The following PLEK2 variants were observed in gnomAD, a reference collection of about 807,000 sequenced individuals.
PLEK2 encodes the protein pleckstrin-2.
PLEK2 carries 29 observed loss-of-function variants against 43.8 expected under a neutral mutation model. The observed-to-expected ratio is 0.66, with a 90% CI of 0.49 to 0.90. PLEK2 has a LOEUF of 0.90. Among genes scored for constraint, PLEK2 ranks in the 40% least tolerant of loss-of-function variants. The pLI is 0.00. For missense variants in PLEK2, 398 were observed against 448.1 expected (o/e 0.89, Z 1.01); for synonymous variants, 162 against 173.2 (o/e 0.94, Z 0.51).
chr14:67,397,942 A>G, intron 1 of PLEK2, 116 bp from the exon 2 acceptor site: 2 of 769,982 alleles, frequency 2.6e-6, no homozygotes, highest in Non-Finnish European at 4.1e-6. Flanking sequence ...TCAGTCTCCA[A>G]GGAAGACAGC....
chr14:67,401,877 A>G (rs1018240646), intron 1 of PLEK2, among the ~76,000 whole-genome samples: 1 of 151,996 alleles, frequency 6.6e-6, no homozygotes, highest in Non-Finnish European at 1.5e-5. Flanking sequence ...TAATTCCAAC[A>G]TTTTGGGAGG....
intron 2 of PLEK2, among the ~76,000 whole-genome samples, chr14:67,396,655 A>C (rs566924495): frequency 3.0e-4 from 46 of 152,256 alleles, no homozygotes; most frequent in Non-Finnish European, 5.6e-4. Context: ...ACCTGTCCAG[A>C]ATGACTGCCT....
At position 67,387,385 on chromosome 14, in the gene PLEK2, C is replaced by T. The variant is rs747558869; in HGVS notation, c.1006G>A (p.Ala336Thr). 32 of 1,610,806 alleles carry T rather than the reference C, an allele frequency of 2.0e-5. No individual in the cohort carries two copies. The highest frequency in any genetic ancestry group is 5.0e-5 in the Admixed American group (3 of 59,448). ...TCGGCTCGCTCAGCCTTGCTGCTGG[C>T]CTGAATGTAATAGTGTGTGTCATCC... The part of the protein sequence containing the change: ...TKDDTHYYIQ[A>T]SSKAERAEWI... The change falls in exon 9 of 9, where the codon GCC becomes ACC. Residue 336 changes from alanine (A) to threonine (T), a missense_variant. By Grantham distance (58) the Ala-to-Thr change is moderately conservative. Coordinates refer to ENST00000216446, the MANE Select transcript of PLEK2 (RefSeq NM_016445.3).
At chr14:67,397,973 T>G in intron 1 of PLEK2, 147 bp from the exon 2 acceptor site, 18 of 581,244 alleles carry the variant, frequency 3.1e-5, no homozygotes, top group Middle Eastern at 2.7e-4. Flanking sequence ...TCTGGATCTC[T>G]TCTGAGTACG....
intron 1 of PLEK2, among the ~76,000 whole-genome samples, chr14:67,410,438 C>T (rs370319023): frequency 4.5e-4 from 68 of 152,238 alleles, no homozygotes; most frequent in African/African-American, 1.4e-3. Context: ...TAGGAGCTCC[C>T]CATGTGTAGT....
chr14:67,393,069 G>A, intron 4 of PLEK2, 81 bp downstream of exon 4: 1 of 1,116,696 alleles, frequency 9.0e-7, no homozygotes, highest in Non-Finnish European at 1.4e-6. Flanking sequence ...CCTCAATACA[G>A]GGCGGTCAAG....
Position 67,390,658 on chromosome 14 carries a change from C to T in PLEK2, c.855+5G>A, listed in dbSNP as rs1164283410. On this transcript the variant is annotated splice_donor_5th_base_variant and intron_variant, in intron 7 of 8. Transcript: ENST00000216446. ...GACCAACATGGAGCCAGCATGCGCA[C>T]TCACTTTGGAAGGGTCATAGTAATG... 1 of 1,599,798 alleles carries T rather than the reference C, an allele frequency of 6.3e-7. No homozygotes were observed. Among genetic ancestry groups the T allele is most frequent in the South Asian group, 1.1e-5 (1 of 90,782 alleles).
At chr14:67,404,743 G>A (rs890773142) in intron 1 of PLEK2, among the ~76,000 whole-genome samples, 8 of 152,020 alleles carry the variant, frequency 5.3e-5, no homozygotes, top group Admixed American at 3.9e-4. Flanking sequence ...CTGGGAGGTC[G>A]AGGCTGCAGT....
At chr14:67,405,622 G>A (rs1041280234) in intron 1 of PLEK2, among the ~76,000 whole-genome samples, 1 of 152,116 alleles carries the variant, frequency 6.6e-6, no homozygotes, top group Non-Finnish European at 1.5e-5. Flanking sequence ...GCAGAGTGAT[G>A]GTATCCCAAT....
At chr14:67,389,933 G>T (rs939443008) in intron 7 of PLEK2, among the ~76,000 whole-genome samples, 1 of 152,090 alleles carries the variant, frequency 6.6e-6, no homozygotes, top group Non-Finnish European at 1.5e-5. Flanking sequence ...GGCTCCTCCT[G>T]CCACATCCCT....
intron 1 of PLEK2, among the ~76,000 whole-genome samples, chr14:67,410,008 T>G (rs1287409395): frequency 1.3e-5 from 2 of 152,118 alleles, no homozygotes; most frequent in East Asian, 3.9e-4. Context: ...CATCCCAGTC[T>G]TTGGGTCTGG....
chr14:67,392,785 G>T lies in PLEK2; in HGVS notation c.546C>A (p.Thr182=). The T allele has an allele frequency of 1.2e-6, 2 of 1,613,946 alleles. No homozygotes were observed. Among genetic ancestry groups the T allele is most frequent in the Non-Finnish European group, 1.7e-6 (2 of 1,179,846 alleles). ...TCTCCTCCATGAGCATGGAGGCCAGGGTCACCGCCTCCAGACGGCTGGCCG... is the reference window on the plus strand; with the variant it reads ...TCTCCTCCATGAGCATGGAGGCCAGTGTCACCGCCTCCAGACGGCTGGCCG... ...SFTASRLEAV[T]LASMLMEENF... is the part of the protein sequence containing the mutation. The change falls in exon 5 of 9, where the codon ACC becomes ACA. Residue 182 remains threonine, a synonymous_variant. Coordinates refer to ENST00000216446, the MANE Select transcript of PLEK2 (RefSeq NM_016445.3).
chr14:67,390,631 G>C (rs768704915), intron 7 of PLEK2, 32 bp downstream of exon 7: 1 of 1,473,962 alleles, frequency 6.8e-7, no homozygotes, highest in South Asian at 1.1e-5. Flanking sequence ...ATCACAACAT[G>C]GGACCAACAT....
chr14:67,392,494 C>G, intron 5 of PLEK2, 67 bp from the exon 6 acceptor site: 1 of 1,354,300 alleles, frequency 7.4e-7, no homozygotes, highest in African/African-American at 1.4e-5. Context: ...TGGCGGCTGT[C>G]AGAGGGGAAA....
chr14:67,402,713 A>G (rs2086056804), intron 1 of PLEK2, among the ~76,000 whole-genome samples: 2 of 152,230 alleles, frequency 1.3e-5, no homozygotes, highest in African/African-American at 4.8e-5. Flanking sequence ...TTCATTTAAC[A>G]TAATGACCTC....
intron 3 of PLEK2, among the ~76,000 whole-genome samples, chr14:67,394,357 CT>C (rs1479576756): frequency 6.6e-6 from 1 of 152,006 alleles, no homozygotes; most frequent in South Asian, 2.1e-4. Flanking sequence ...GATCGAGCCA[CT>C]GCACTCCAGC....
In PLEK2 at chr14:67,390,710, CA is replaced by C; in HGVS notation, c.807del (p.Phe269LeufsTer3). ...HKRKNWKVRR[F>X]VLRKDPAFLH... ...AGGAAAGCTGGATCCTTCCTTAGAA[CA>C]AAGCGACGCACCTTCCAGTTTTTCC... is the stretch of plus-strand genomic sequence containing the variant. On this transcript the variant is annotated frameshift_variant, in exon 7 of 9. Transcript: ENST00000216446. LOFTEE classifies it high-confidence loss of function. The C allele has an allele frequency of 6.2e-7, 1 of 1,613,902 alleles. No individual in the cohort carries two copies. The highest frequency in any genetic ancestry group is 1.1e-5 in the South Asian group (1 of 91,088).
chr14:67,408,446 C>A (rs2086095832), intron 1 of PLEK2, among the ~76,000 whole-genome samples: 1 of 152,062 alleles, frequency 6.6e-6, no homozygotes. Flanking sequence ...ACCTCTGGAC[C>A]TGTAAGTGTG....
chr14:67,391,155 T>A (rs1286348392), intron 6 of PLEK2, among the ~76,000 whole-genome samples: 1 of 152,104 alleles, frequency 6.6e-6, no homozygotes, highest in Non-Finnish European at 1.5e-5. Flanking sequence ...ACATGTATAT[T>A]TGTCAGTCTA....
Sources: gnomAD v4.1 joint callset for allele counts (sites outside exome capture counted in the v4.1 genomes callset) on GRCh38, gnomAD v4.1.1 for gene constraint, MANE v1.5 for transcripts, NCBI Gene and HGNC (gene_info 2026-07-23, HGNC 2026-07-21) for gene names.